DIS3L2: variants seen among roughly 807,000 people sequenced by gnomAD.
The protein encoded by DIS3L2 is DIS3 like 3'-5' exoribonuclease 2.
DIS3L2 carries 34 observed loss-of-function variants against 97.5 expected under a neutral mutation model. The ratio of observed to expected loss-of-function variants is 0.35; its 90% CI spans 0.27 to 0.46. The LOEUF (loss-of-function observed/expected upper bound fraction) is 0.46, where lower values mean the gene tolerates loss of function less well. Among genes scored for constraint, DIS3L2 ranks in the 20% least tolerant of loss-of-function variants. The probability of loss-of-function intolerance (pLI) is 1.00; values close to 1 mark genes in which losing one functional copy is unlikely to be tolerated. For missense variants in DIS3L2, 1,038 were observed against 1,146.0 expected, an observed-to-expected ratio of 0.91 and a Z score of 1.36; for synonymous variants, 435 against 445.2, an observed-to-expected ratio of 0.98 and a Z score of 0.29.
intron 4 of DIS3L2, among the ~76,000 whole-genome samples, chr2:232,027,193 G>A (rs1243329270): frequency 6.6e-6 from 1 of 152,106 alleles, no homozygotes; most frequent in Non-Finnish European, 1.5e-5. Context: ...AGATTTCTGA[G>A]TATACATATC....
intron 10 of DIS3L2, among the ~76,000 whole-genome samples, chr2:232,238,056 C>T (rs1692981334): frequency 3.9e-5 from 6 of 151,958 alleles, no homozygotes; most frequent in Admixed American, 3.3e-4. Flanking sequence ...GTGTGGAGGG[C>T]CAGGTGAGGG....
Position 231,964,021 on chromosome 2 carries a change from G to A in DIS3L2, c.-94+2256G>A, listed in dbSNP as rs982016225. ...GGCATGAGCTACTGTGCCTGACTGA[G>A]GTCTTTGCATTTAAATCTTTAACCC... On this transcript the variant is annotated intron_variant, in intron 1 of 20. Transcript: ENST00000325385. Among the ~76,000 whole-genome samples the A allele has an allele frequency of 2.6e-5, 4 of 152,118 alleles. No individual in the cohort carries two copies. The South Asian group carries it at 8.3e-4, about 32-fold the overall frequency.
intron 13 of DIS3L2, among the ~76,000 whole-genome samples, chr2:232,289,862 A>G (rs1694549749): frequency 6.6e-6 from 1 of 152,238 alleles, no homozygotes; most frequent in African/African-American, 2.4e-5. Context: ...GGGTAGGACC[A>G]CTGCTGAGGG....
chr2:232,033,895 T>C (rs1383662529), intron 5 of DIS3L2, among the ~76,000 whole-genome samples: 2 of 152,218 alleles, frequency 1.3e-5, no homozygotes, highest in East Asian at 1.9e-4. Context: ...GATTTTCACA[T>C]TGATGTTCAT....
At chr2:232,327,542 A>G (rs1003765305) in intron 14 of DIS3L2, among the ~76,000 whole-genome samples, 3 of 152,250 alleles carry the variant, frequency 2.0e-5, no homozygotes, top group African/African-American at 4.8e-5. Flanking sequence ...TGGCCTGACC[A>G]GTATCAGATT....
intron 12 of DIS3L2, among the ~76,000 whole-genome samples, chr2:232,255,479 C>T (rs75761947): frequency 0.011 from 1,710 of 152,280 alleles, 26 homozygotes; most frequent in African/African-American, 0.039. Context: ...GTTTTCTTAA[C>T]GCCTACTAAA....
chr2:232,277,797 C>T (rs149792292), intron 13 of DIS3L2, among the ~76,000 whole-genome samples: 3 of 152,294 alleles, frequency 2.0e-5, no homozygotes, highest in East Asian at 1.9e-4. Context: ...GGATAGCCTA[C>T]GACCCACCTA....
At chr2:232,168,327 CAT>C (rs1408120186) in intron 9 of DIS3L2, among the ~76,000 whole-genome samples, 7 of 152,094 alleles carry the variant, frequency 4.6e-5, no homozygotes, top group Admixed American at 6.5e-5. Context: ...TGATAGGTAA[CAT>C]ATGACTGATA....
intron 6 of DIS3L2, among the ~76,000 whole-genome samples, chr2:232,094,732 A>G (rs1041555362): frequency 1.3e-5 from 2 of 150,602 alleles, no homozygotes; most frequent in African/African-American, 4.9e-5. Flanking sequence ...AAAAAAAAAA[A>G]AAAGAAAGAA....
At position 232,268,099 on chromosome 2, in the gene DIS3L2, A is replaced by G. The variant is rs1015737205; in HGVS notation, c.1659+4659A>G. Among the ~76,000 whole-genome samples the G allele has an allele frequency of 1.3e-5, 2 of 152,142 alleles. No homozygotes were observed. The highest frequency in any genetic ancestry group is 2.4e-5 in the African/African-American group (1 of 41,428). ...GGTTTGCAGGAAGCTGTGCACCATC[A>G]TGGGTCCCCTGACAGGTGGTTAGGT... On this transcript the variant is annotated intron_variant, in intron 13 of 20. Transcript: ENST00000325385. The surrounding 1 kb of genome is among the most constrained non-coding windows in gnomAD (Gnocchi z 4.1).
At position 232,101,093 on chromosome 2, in the gene DIS3L2, G is replaced by A. The variant is rs550144651; in HGVS notation, c.601+13372G>A. ...TCTACTAAAAATACAAAAATTAGGC[G>A]TGGTGGTGCACCCCTGTTGCCCTAG... On this transcript the variant is annotated intron_variant, in intron 6 of 20. Transcript: ENST00000325385. Among the ~76,000 whole-genome samples, 8 of 151,962 alleles carry A rather than the reference G, an allele frequency of 5.3e-5. No individual in the cohort carries two copies. The South Asian group carries it at 8.3e-4, about 16-fold the overall frequency.
intron 8 of DIS3L2, among the ~76,000 whole-genome samples, chr2:232,162,545 G>A (rs990998231): frequency 6.6e-6 from 1 of 152,198 alleles, no homozygotes; most frequent in Admixed American, 6.5e-5. Context: ...CATAGAAATC[G>A]AATAGCCTGA....
At chr2:232,242,769 C>T (rs1693135342) in intron 11 of DIS3L2, among the ~76,000 whole-genome samples, 1 of 152,232 alleles carries the variant, frequency 6.6e-6, no homozygotes, top group South Asian at 2.1e-4. Context: ...CCTATCATCA[C>T]TATCCCTTTT....
At chr2:232,021,876 A>G (rs1435582036) in intron 3 of DIS3L2, among the ~76,000 whole-genome samples, 6 of 152,164 alleles carry the variant, frequency 3.9e-5, no homozygotes, top group Non-Finnish European at 7.4e-5. Flanking sequence ...CGAGAGAAGC[A>G]ATCACTTCAG....
chr2:232,251,616 A>G (rs1693419483), intron 12 of DIS3L2, among the ~76,000 whole-genome samples: 1 of 152,258 alleles, frequency 6.6e-6, no homozygotes, highest in South Asian at 2.1e-4. Flanking sequence ...CACACTGCCT[A>G]GCACAGGGGT....
intron 1 of DIS3L2, among the ~76,000 whole-genome samples, chr2:232,001,850 G>T: frequency 6.6e-6 from 1 of 150,936 alleles, no homozygotes; most frequent in Non-Finnish European, 1.5e-5. Context: ...CTCCTGAGTA[G>T]CTGGGATTAC....
At chr2:232,273,909 C>T (rs1000232296) in intron 13 of DIS3L2, among the ~76,000 whole-genome samples, 7 of 152,216 alleles carry the variant, frequency 4.6e-5, no homozygotes, top group Non-Finnish European at 7.3e-5. Context: ...ATTTGTGTAT[C>T]AAGGTGGCTG....
rs1033352725 is a variant in DIS3L2 at position 232,136,555 on chromosome 2, T to G, written c.786T>G (p.Phe262Leu). 3.1e-6 allele frequency: 5 copies of G among 1,614,068 alleles called. No homozygotes were observed. The highest frequency in any genetic ancestry group is 4.2e-6 in the Non-Finnish European group (5 of 1,179,950). Residue 262 changes from phenylalanine (F) to leucine (L), a missense_variant, in exon 8 of 21, where the codon TTT becomes TTG. Transcript: ENST00000325385. ...KLLADKNSEL[F>L]RKYALFSPSD... The stretch of plus-strand genomic sequence containing the variant: ...TGGCTGATAAGAACAGCGAACTGTT[T>G]AGGAAATACGCCCTGTTTTCTCCCT...
chr2:232,198,241 G>GA (rs1188788564), intron 9 of DIS3L2, among the ~76,000 whole-genome samples: 2 of 151,584 alleles, frequency 1.3e-5, no homozygotes, highest in Admixed American at 6.6e-5. Flanking sequence ...AGGAAATAGA[G>GA]AAAAAAAAGT....
Sources: gnomAD v4.1 joint callset for allele counts (sites outside exome capture counted in the v4.1 genomes callset) on GRCh38, gnomAD v4.1.1 for gene constraint, Gnocchi (gnomAD v3.1) non-coding constraint, MANE v1.5 for transcripts, NCBI Gene and HGNC (gene_info 2026-07-23, HGNC 2026-07-21) for gene names.